ATR: variants seen among roughly 807,000 people sequenced by gnomAD.
ATR encodes the protein serine/threonine-protein kinase ATR.
Under a neutral mutation model 305.3 loss-of-function variants are expected in ATR, and 142 were observed. The observed-to-expected ratio is 0.47, with a 90% CI of 0.41 to 0.53. The LOEUF is 0.53. Among genes scored for constraint, ATR ranks in the 20% least tolerant of loss-of-function variants. ATR has a pLI of 0.00. For synonymous variants in ATR, 1,050 were observed against 1,068.1 expected (o/e 0.98, Z 0.33); for missense variants, 2,135 against 3,133.1 (o/e 0.68, Z 7.60).
In ATR at chr3:142,542,675, T is replaced by A; in HGVS notation, c.3440A>T (p.Asp1147Val). 1.2e-6 allele frequency: 2 copies of A among 1,612,618 alleles called. No homozygotes were observed. The highest frequency in any genetic ancestry group is 1.7e-6 in the Non-Finnish European group (2 of 1,178,970). ...ACTATCACCACTTACCATTTTCTTA[T>A]CTTCAATGCCAACACTAGAGCTCAG... ...QLLSSSVGIE[D>V]KKMALNSLMS... Residue 1147 changes from aspartate to valine, a missense_variant, in exon 17 of 47, where the codon GAT (aspartate) becomes GTT (valine). Around this residue, in one of 9 missense-constraint regions of ATR, gnomAD observed 530 missense variants for 766.8 expected, o/e 0.69. Transcript: ENST00000350721.
rs1264702049 is a variant in ATR at position 142,550,433 on chromosome 3, T to C, written c.2806-131A>G. On this transcript the variant is annotated intron_variant, in intron 13 of 46. Transcript: ENST00000350721. The stretch of plus-strand genomic sequence containing the variant: ...TCTGAATTGGTCCATTCAATTTTTA[T>C]AACAACCTTAATGAGGTAGACTATG... 4 of 944,826 alleles carry C rather than the reference T, an allele frequency of 4.2e-6. No homozygotes were observed. In the Admixed American group the frequency reaches 8.3e-5, roughly 20 times the overall value. 58.5% of individuals were successfully genotyped at this position (944,826 alleles called of 1,614,324 possible). A position where few individuals can be genotyped will look rare whatever the true frequency, so the allele number is the denominator to read the frequency against.
At chr3:142,483,989 A>C (rs767016080) in intron 36 of ATR, among the ~76,000 whole-genome samples, 4 of 152,064 alleles carry the variant, frequency 2.6e-5, no homozygotes, top group Non-Finnish European at 4.4e-5. Flanking sequence ...GGTGCTGTTG[A>C]ATTTTTTTAA....
intron 44 of ATR, 132 bp from the exon 45 acceptor site, chr3:142,457,887 T>G (rs377194874): frequency 1.6e-5 from 17 of 1,038,110 alleles, no homozygotes; most frequent in East Asian, 7.8e-5. Flanking sequence ...GTAATTACTT[T>G]AGAAGTTTGT....
chr3:142,522,655 C>T (rs947864797), intron 23 of ATR, 73 bp downstream of exon 23: 1 of 1,258,600 alleles, frequency 7.9e-7, no homozygotes, highest in African/African-American at 1.5e-5. Flanking sequence ...AGGAGTTTCA[C>T]AAGTATAGAA....
intron 13 of ATR, among the ~76,000 whole-genome samples, chr3:142,552,459 C>T (rs932276572): frequency 1.1e-4 from 17 of 152,062 alleles, no homozygotes; most frequent in Non-Finnish European, 2.5e-4. Flanking sequence ...TGCTTGAGAT[C>T]AGGAGTTCAA....
chr3:142,536,293 T>C, intron 19 of ATR, 92 bp from the exon 20 acceptor site: 1 of 907,992 alleles, frequency 1.1e-6, no homozygotes, highest in East Asian at 2.5e-5. Context: ...GCCAATTTAA[T>C]TCATAATTAA....
At chr3:142,494,493 C>A (rs1313194747) in intron 34 of ATR, among the ~76,000 whole-genome samples, 1 of 152,064 alleles carries the variant, frequency 6.6e-6, no homozygotes, top group African/African-American at 2.4e-5. Flanking sequence ...CTTAAACCTA[C>A]CTGAAGAATA....
Position 142,499,650 on chromosome 3 carries a change from A to G in ATR, c.5357T>C (p.Leu1786Ser). Reference sequence around the variant, plus strand: ...ACCTGCTGCCAAATAGTTTTCCACCAAATCCCACTGTGACAATTTCCAAGC... The same window carrying G: ...ACCTGCTGCCAAATAGTTTTCCACCGAATCCCACTGTGACAATTTCCAAGC... Reference protein sequence around the residue: ...EAAWKLSQWDLVENYLAADGK... With the variant: ...EAAWKLSQWDSVENYLAADGK... Residue 1786 changes from leucine to serine, a missense_variant, in exon 31 of 47, where the codon TTG (leucine) becomes TCG (serine). Physicochemically the swap from Leu to Ser is moderately radical, Grantham distance 145 (BLOSUM62 -2). Coordinates refer to ENST00000350721, the MANE Select transcript of ATR (RefSeq NM_001184.4). 1 of 1,614,026 alleles carries G rather than the reference A, an allele frequency of 6.2e-7. No individual in the cohort carries two copies. Among genetic ancestry groups the G allele is most frequent in the Non-Finnish European group, 8.5e-7 (1 of 1,179,966 alleles).
chr3:142,563,516 C>G (rs1408162019), intron 3 of ATR, among the ~76,000 whole-genome samples: 1 of 152,150 alleles, frequency 6.6e-6, no homozygotes, highest in African/African-American at 2.4e-5. Flanking sequence ...TGTCATGAAC[C>G]ACACCGATAT....
At chr3:142,496,278 C>CATTATATATATATATACA (rs1553758609) in intron 34 of ATR, 83 bp downstream of exon 34, 1 of 113,698 alleles carries the variant, frequency 8.8e-6, no homozygotes, top group African/African-American at 5.3e-5. Context: ...TAATTCCCGA[C>CATTATATATATATATACA]TATATATATA....
At chr3:142,500,262 T>C (rs890214083) in intron 30 of ATR, among the ~76,000 whole-genome samples, 2 of 152,188 alleles carry the variant, frequency 1.3e-5, no homozygotes, top group African/African-American at 4.8e-5. Context: ...TATATAAAAC[T>C]AGCTACGTAA....
rs58495569 is a variant in ATR at position 142,521,045 on chromosome 3, G to A, written c.4267-1261C>T. Among the ~76,000 whole-genome samples, 1,363 of 152,112 alleles carry A rather than the reference G, an allele frequency of 9.0e-3. 22 individuals are homozygous for A. Among genetic ancestry groups the A allele is most frequent in the African/African-American group, 0.031 (1,288 of 41,456 alleles). On this transcript the variant is annotated intron_variant, in intron 23 of 46. Coordinates refer to ENST00000350721, the MANE Select transcript of ATR (RefSeq NM_001184.4). ...TCATTGACGATTCCATACATCCTAGGGCTGTTAGGAATTAGGCTAAATCTA... is the reference window on the plus strand; with the variant it reads ...TCATTGACGATTCCATACATCCTAGAGCTGTTAGGAATTAGGCTAAATCTA...
At chr3:142,566,750 T>TA (rs1181067778) in intron 2 of ATR, among the ~76,000 whole-genome samples, 38 of 144,008 alleles carry the variant, frequency 2.6e-4, no homozygotes, top group Non-Finnish European at 5.7e-4. Flanking sequence ...CACTACAGTC[T>TA]TTTTTTTTTT....
At position 142,470,100 on chromosome 3, in the gene ATR, T is replaced by C. The variant is rs2108280697; in HGVS notation, c.6305A>G (p.Tyr2102Cys). The C allele has an allele frequency of 6.2e-7, 1 of 1,607,078 alleles. No individual in the cohort carries two copies. Among genetic ancestry groups the C allele is most frequent in the South Asian group, 1.1e-5 (1 of 90,852 alleles). ...TLWLDYGTKA[Y>C]EWEKAGRSDR... ...AAGAGTTATACCTTTTTCCCATTCA[T>C]ATGCCTTTGTACCATAATCAAGCCA... Residue 2102 changes from tyrosine (Y) to cysteine (C), a missense_variant, in exon 37 of 47, where the codon TAT becomes TGT. Tyr to Cys is a radical substitution (Grantham distance 194, BLOSUM62 -2). Coordinates refer to ENST00000350721, the MANE Select transcript of ATR (RefSeq NM_001184.4).
chr3:142,492,338 A>T (rs1027167906), intron 35 of ATR, among the ~76,000 whole-genome samples: 1 of 152,182 alleles, frequency 6.6e-6, no homozygotes, highest in Non-Finnish European at 1.5e-5. Flanking sequence ...AATTGTTCTT[A>T]TAGCCTCTGC....
At chr3:142,574,399 T>C (rs746771861) in intron 1 of ATR, among the ~76,000 whole-genome samples, 3 of 146,814 alleles carry the variant, frequency 2.0e-5, no homozygotes, top group African/African-American at 5.0e-5. Context: ...GAGGCAGAGG[T>C]TGCAGTGAGA....
intron 36 of ATR, among the ~76,000 whole-genome samples, chr3:142,477,067 C>G (rs2108293713): frequency 6.6e-6 from 1 of 152,274 alleles, no homozygotes. Flanking sequence ...TCCTCTTTTC[C>G]TAGTTGAATG....
At chr3:142,479,876 A>G (rs1417253806) in intron 36 of ATR, among the ~76,000 whole-genome samples, 1 of 152,232 alleles carries the variant, frequency 6.6e-6, no homozygotes, top group Non-Finnish European at 1.5e-5. Context: ...CAGTTGATCG[A>G]ATCGGCTACT....
chr3:142,485,325 G>A (rs746705238), intron 35 of ATR, 43 bp from the exon 36 acceptor site: 19 of 1,604,554 alleles, frequency 1.2e-5, no homozygotes, highest in South Asian at 6.6e-5. Context: ...GAAATCCCAC[G>A]CTATGCTGGG....
Sources: gnomAD v4.1 joint callset for allele counts (sites outside exome capture counted in the v4.1 genomes callset) on GRCh38, gnomAD v4.1.1 for gene constraint, gnomAD v4.1.1 regional missense constraint, MANE v1.5 for transcripts, NCBI Gene and HGNC (gene_info 2026-07-23, HGNC 2026-07-21) for gene names.